Variants in ARNT2 observed in about 807,000 individuals in gnomAD.
The protein encoded by ARNT2 is ARNT protein 2.
In ARNT2, 36 loss-of-function variants were observed where a neutral mutation model predicts 91.7. The ratio of observed to expected loss-of-function variants is 0.39; its 90% confidence interval spans 0.30 to 0.52. ARNT2 has a LOEUF of 0.52. Among genes scored for constraint, ARNT2 ranks in the 20% least tolerant of loss-of-function variants. ARNT2 has a pLI of 0.72. For synonymous variants in ARNT2, 365 were observed against 347.1 expected (o/e 1.05, Z -0.57); for missense variants, 775 against 939.3 (o/e 0.83, Z 2.29).
intron 3 of ARNT2, among the ~76,000 whole-genome samples, chr15:80,462,929 A>G (rs1221907873): frequency 6.6e-6 from 1 of 152,062 alleles, no homozygotes; most frequent in Non-Finnish European, 1.5e-5. Flanking sequence ...GCTTGTAGGC[A>G]TTTTCCCCCC....
At chr15:80,574,089 T>A in intron 12 of ARNT2, 59 bp from the exon 13 acceptor site, 2 of 1,467,696 alleles carry the variant, frequency 1.4e-6, no homozygotes, top group Non-Finnish European at 1.9e-6. Flanking sequence ...AGTCCTGGCT[T>A]AGCCCTATTG....
chr15:80,529,064 C>A (rs1040115649), intron 8 of ARNT2, among the ~76,000 whole-genome samples: 4 of 152,130 alleles, frequency 2.6e-5, no homozygotes, highest in African/African-American at 4.8e-5. Context: ...TTTATTTGTG[C>A]CAGGATGATT....
intron 8 of ARNT2, among the ~76,000 whole-genome samples, chr15:80,521,843 G>A (rs2141434197): frequency 1.3e-5 from 2 of 152,152 alleles, no homozygotes; most frequent in Middle Eastern, 3.4e-3. Context: ...ATGGATTCTG[G>A]TAGTAACAAA....
chr15:80,407,565 C>T (rs529485671), intron 1 of ARNT2, among the ~76,000 whole-genome samples: 1 of 152,280 alleles, frequency 6.6e-6, no homozygotes, highest in African/African-American at 2.4e-5. Flanking sequence ...GCCCCTGGTG[C>T]CTCCTCCTTC....
intron 12 of ARNT2, among the ~76,000 whole-genome samples, chr15:80,570,307 A>T (rs917538450): frequency 6.6e-6 from 1 of 152,166 alleles, no homozygotes; most frequent in Non-Finnish European, 1.5e-5. Context: ...ACTTACATCT[A>T]CACTTTCCTC....
rs981192630 is a variant in ARNT2, at chr15:80,468,920, C to G, written c.195-1298C>G. Among the ~76,000 whole-genome samples, 6 of 152,168 alleles carry G rather than the reference C, an allele frequency of 3.9e-5. No homozygotes were observed. In the South Asian group the frequency reaches 1.0e-3, roughly 26 times the overall value. On this transcript the variant is annotated intron_variant, in intron 3 of 18. Transcript: ENST00000303329. ...TCTGTGTGTTCAGAGACCCTCAGCA[C>G]GTGCTACTTGGTGTCATCAGGGCTG...
chr15:80,460,654 C>T (rs1184603922), intron 3 of ARNT2, among the ~76,000 whole-genome samples: 1 of 152,178 alleles, frequency 6.6e-6, no homozygotes, highest in Non-Finnish European at 1.5e-5. Flanking sequence ...CACAAAGTCA[C>T]GGGGACCCGG....
intron 1 of ARNT2, among the ~76,000 whole-genome samples, chr15:80,409,570 G>A (rs1754975796): frequency 1.3e-5 from 2 of 152,176 alleles, no homozygotes; most frequent in Admixed American, 6.5e-5. Flanking sequence ...ACTATGTGCC[G>A]GGGACTGATC....
chr15:80,480,280 C>G (rs1025778868), intron 5 of ARNT2, among the ~76,000 whole-genome samples: 1 of 152,108 alleles, frequency 6.6e-6, no homozygotes, highest in Admixed American at 6.5e-5. Context: ...GTGACTGTAA[C>G]TGGATATGCC....
intron 1 of ARNT2, among the ~76,000 whole-genome samples, chr15:80,449,933 GAGCTAAGAAA>G (rs1186203042): frequency 1.3e-5 from 2 of 152,132 alleles, no homozygotes; most frequent in Non-Finnish European, 2.9e-5. Context: ...GGTAAAAGTT[GAGCTAAGAAA>G]AGCTAACACT....
At chr15:80,564,889 G>T (rs1328926930) in intron 12 of ARNT2, among the ~76,000 whole-genome samples, 2 of 150,808 alleles carry the variant, frequency 1.3e-5, no homozygotes, top group African/African-American at 2.4e-5. Context: ...TGCATATTTT[G>T]TGTCATTTAT....
intron 12 of ARNT2, among the ~76,000 whole-genome samples, chr15:80,570,964 GACAC>G (rs899363961): frequency 6.6e-6 from 1 of 152,128 alleles, no homozygotes; most frequent in Admixed American, 6.5e-5. Context: ...TTATGGTGGG[GACAC>G]ACACACACCA....
At chr15:80,437,700 C>A (rs1896110740) in intron 1 of ARNT2, among the ~76,000 whole-genome samples, 1 of 152,132 alleles carries the variant, frequency 6.6e-6, no homozygotes, top group African/African-American at 2.4e-5. Context: ...GCTTCTGTTC[C>A]CCTCCCTCAG....
chr15:80,485,120 G>A (rs1896948698), intron 5 of ARNT2, among the ~76,000 whole-genome samples: 1 of 152,132 alleles, frequency 6.6e-6, no homozygotes, highest in South Asian at 2.1e-4. Flanking sequence ...ATAGATCAGT[G>A]GTTTCCCAAA....
At chr15:80,432,415 A>T (rs1295567134) in intron 1 of ARNT2, among the ~76,000 whole-genome samples, 1 of 152,160 alleles carries the variant, frequency 6.6e-6, no homozygotes, top group Non-Finnish European at 1.5e-5. Flanking sequence ...TTTTAAATTG[A>T]TGGAAAAAAA....
chr15:80,417,203 A>G (rs1443902749), intron 1 of ARNT2, among the ~76,000 whole-genome samples: 1 of 152,214 alleles, frequency 6.6e-6, no homozygotes, highest in African/African-American at 2.4e-5. Flanking sequence ...GCTCACATGG[A>G]ATGCCTGAAA....
At chr15:80,438,966 T>C (rs1261712056) in intron 1 of ARNT2, among the ~76,000 whole-genome samples, 1 of 152,216 alleles carries the variant, frequency 6.6e-6, no homozygotes, top group African/African-American at 2.4e-5. Flanking sequence ...TGTCTCTTAA[T>C]ATTTGTATTA....
Position 80,595,467 on chromosome 15 carries a change from G to C in ARNT2, c.*1769G>C, listed in dbSNP as rs1182516950. Reference sequence around the variant, plus strand: ...ATGCAGGAAGGAGTTTGGAGAGAGTGTTTGCTGTGATCCATTGAAAGCTCC... The same window carrying C: ...ATGCAGGAAGGAGTTTGGAGAGAGTCTTTGCTGTGATCCATTGAAAGCTCC... On this transcript the variant is annotated 3_prime_UTR_variant, in exon 19 of 19. Transcript: ENST00000303329. The C allele has an allele frequency of 2.0e-5, 3 of 152,314 alleles. No homozygotes were observed. The highest frequency in any genetic ancestry group is 4.1e-4 in the South Asian group (2 of 4,834). 9.4% of individuals were successfully genotyped at this position (152,314 alleles called of 1,614,324 possible). A position where few individuals can be genotyped will look rare whatever the true frequency, so the allele number is the denominator to read the frequency against.
chr15:80,404,450 A>G lies in ARNT2; in HGVS notation c.-66A>G. On this transcript the variant is annotated 5_prime_UTR_variant, in exon 1 of 19. Transcript: ENST00000303329. The surrounding 1 kb of genome is among the most constrained non-coding windows in gnomAD (Gnocchi z 5.5). ...GGGCCTGACCGGGTCCCCGGGGCTGAGCGCCGGGCTCCGCGCCGCCCCTCC... is the reference window on the plus strand; with the variant it reads ...GGGCCTGACCGGGTCCCCGGGGCTGGGCGCCGGGCTCCGCGCCGCCCCTCC... 3 of 1,108,834 alleles carry G rather than the reference A, an allele frequency of 2.7e-6. No homozygotes were observed. The highest frequency in any genetic ancestry group is 2.0e-5 in the South Asian group (1 of 49,172). 68.7% of individuals were successfully genotyped at this position (1,108,834 alleles called of 1,614,324 possible).
Sources: gnomAD v4.1 joint callset for allele counts (sites outside exome capture counted in the v4.1 genomes callset) on GRCh38, gnomAD v4.1.1 for gene constraint, Gnocchi (gnomAD v3.1) non-coding constraint, MANE v1.5 for transcripts, NCBI Gene and HGNC (gene_info 2026-07-23, HGNC 2026-07-21) for gene names.